The following LYN variants were observed in gnomAD, a reference collection of about 807,000 sequenced individuals.
LYN encodes the protein LYN proto-oncogene, Src family tyrosine kinase, also known as tyrosine-protein kinase Lyn.
In LYN, 12 loss-of-function variants were observed where a neutral mutation model predicts 65.0. The ratio of observed to expected loss-of-function variants is 0.18; its 90% CI spans 0.12 to 0.30. LYN has a LOEUF of 0.30. Among genes scored for constraint, LYN ranks in the 10% least tolerant of loss-of-function variants. LYN has a pLI of 1.00. For missense variants in LYN, 380 were observed against 623.2 expected, an observed-to-expected ratio of 0.61 and a Z score of 4.16; for synonymous variants, 222 against 221.2, an observed-to-expected ratio of 1.00 and a Z score of -0.03.
chr8:55,893,156 T>A (rs995384653), intron 1 of LYN, among the ~76,000 whole-genome samples: 2 of 152,230 alleles, frequency 1.3e-5, no homozygotes, highest in African/African-American at 4.8e-5. Flanking sequence ...CTCGTCCTGT[T>A]TTACCCTGGC....
rs1161944846 is a variant in LYN at position 55,953,808 on chromosome 8, C to T, written c.638-24C>T. On this transcript the variant is annotated intron_variant, in intron 7 of 12. Transcript: ENST00000519728. ...AGTACAAAGTATTGCATTTCTTAAC[C>T]TTCATTTTTCCCTTTCAAATTAGAG... The T allele has an allele frequency of 5.0e-6, 8 of 1,610,720 alleles. No individual in the cohort carries two copies. In the South Asian group the frequency reaches 8.8e-5, roughly 18 times the overall value.
intron 1 of LYN, among the ~76,000 whole-genome samples, chr8:55,880,360 C>A (rs1392140810): frequency 6.6e-6 from 1 of 151,866 alleles, no homozygotes; most frequent in Non-Finnish European, 1.5e-5. Flanking sequence ...GTGTCCGCCG[C>A]GGAGCCGCGC....
At position 56,010,164 on chromosome 8, in the gene LYN, A is replaced by T. The variant is rs1808775965; in HGVS notation, c.*54A>T. 29 of 1,562,426 alleles carry T rather than the reference A, an allele frequency of 1.9e-5. No homozygotes were observed. In the South Asian group the frequency reaches 2.4e-4, roughly 13 times the overall value. ...GGGTGGCTGCCTCATTTAGAGAGGA[A>T]AAGTAACCATCACTGGTTGCACTTA... is the stretch of plus-strand genomic sequence containing the variant. On this transcript the variant is annotated 3_prime_UTR_variant, in exon 13 of 13. Coordinates refer to ENST00000519728, the MANE Select transcript of LYN (RefSeq NM_002350.4).
chr8:55,985,167 G>A (rs1808041756), intron 10 of LYN, among the ~76,000 whole-genome samples: 6 of 152,104 alleles, frequency 3.9e-5, no homozygotes, highest in Admixed American at 3.9e-4. Flanking sequence ...CTGCTGGGGA[G>A]GAACTGTACT....
chr8:55,935,995 T>C (rs754902575), intron 1 of LYN, among the ~76,000 whole-genome samples: 3 of 152,128 alleles, frequency 2.0e-5, no homozygotes, highest in Non-Finnish European at 4.4e-5. Flanking sequence ...ACTTTGTTTC[T>C]CTAATCTGAG....
chr8:55,937,854 C>G (rs1806480907), intron 1 of LYN, among the ~76,000 whole-genome samples: 1 of 152,140 alleles, frequency 6.6e-6, no homozygotes, highest in Non-Finnish European at 1.5e-5. Flanking sequence ...TGCCACCACA[C>G]CCGGCTAATT....
At chr8:55,977,440 G>C (rs1165542371) in intron 10 of LYN, among the ~76,000 whole-genome samples, 1 of 152,072 alleles carries the variant, frequency 6.6e-6, no homozygotes, top group Non-Finnish European at 1.5e-5. Flanking sequence ...AACACACCAG[G>C]GTGTTCTTTA....
At chr8:55,997,887 A>G (rs1485567052) in intron 10 of LYN, among the ~76,000 whole-genome samples, 3 of 152,286 alleles carry the variant, frequency 2.0e-5, no homozygotes, top group Non-Finnish European at 1.5e-5. Flanking sequence ...GATCGAGACC[A>G]TCCTGGCTAA....
At chr8:55,895,193 G>C (rs1000609677) in intron 1 of LYN, among the ~76,000 whole-genome samples, 1 of 152,056 alleles carries the variant, frequency 6.6e-6, no homozygotes, top group African/African-American at 2.4e-5. Flanking sequence ...GCTTGTCTCT[G>C]TTAGCAACTG....
chr8:56,001,855 G>A (rs1808521378), intron 12 of LYN, among the ~76,000 whole-genome samples: 1 of 152,172 alleles, frequency 6.6e-6, no homozygotes, highest in South Asian at 2.1e-4. Context: ...CTGAGGCTTG[G>A]AGAAGGTGAT....
chr8:55,932,940 C>A (rs530963709), intron 1 of LYN, among the ~76,000 whole-genome samples: 79 of 152,134 alleles, frequency 5.2e-4, no homozygotes, highest in Admixed American at 3.7e-3. Flanking sequence ...AAGATAGGAG[C>A]AATAGACACG....
Position 56,013,289 on chromosome 8 carries a change from C to CA in LYN, c.*3180dup, listed in dbSNP as rs1472731724. On this transcript the variant is annotated 3_prime_UTR_variant, in exon 13 of 13. Coordinates refer to ENST00000519728, the MANE Select transcript of LYN (RefSeq NM_002350.4). ...CTCTCTCTTTTTTTTTTTTTTTTGACAGAGTCTCACTCTGTCACGCAGGCT... is the reference window on the plus strand; with the variant it reads ...CTCTCTCTTTTTTTTTTTTTTTTGACAAGAGTCTCACTCTGTCACGCAGGCT... The CA allele has an allele frequency of 1.6e-5, 2 of 124,510 alleles. No homozygotes were observed. The highest frequency in any genetic ancestry group is 2.0e-4 in the East Asian group (1 of 4,910). 7.7% of individuals were successfully genotyped at this position (124,510 alleles called of 1,614,324 possible).
At chr8:55,971,979 G>A (rs1327470817) in intron 10 of LYN, among the ~76,000 whole-genome samples, 1 of 152,106 alleles carries the variant, frequency 6.6e-6, no homozygotes, top group Non-Finnish European at 1.5e-5. Flanking sequence ...TCAACTGATG[G>A]GGCTGAGCCC....
intron 8 of LYN, among the ~76,000 whole-genome samples, chr8:55,965,363 G>T (rs950839796): frequency 1.3e-5 from 2 of 152,200 alleles, no homozygotes; most frequent in Non-Finnish European, 2.9e-5. Flanking sequence ...TGCATCTCCT[G>T]GGTGGGGGAG....
intron 1 of LYN, among the ~76,000 whole-genome samples, chr8:55,905,239 C>T (rs1355495407): frequency 6.6e-6 from 1 of 152,086 alleles, no homozygotes; most frequent in African/African-American, 2.4e-5. Context: ...GGTGAAACCA[C>T]ATCTCTACTA....
intron 12 of LYN, among the ~76,000 whole-genome samples, chr8:56,000,030 G>C (rs991939703): frequency 2.6e-5 from 4 of 152,188 alleles, no homozygotes; most frequent in African/African-American, 7.2e-5. Flanking sequence ...TGTTCTAAGA[G>C]TGCTTAGACA....
rs1190503076 is a variant in LYN at position 55,946,440 on chromosome 8, T to C, written c.133-8T>C. 1.3e-6 allele frequency: 2 copies of C among 1,597,196 alleles called. No homozygotes were observed. The highest frequency in any genetic ancestry group is 1.7e-6 in the Non-Finnish European group (2 of 1,165,636). ...GAATTTTTTTTTCTAACAAATATTC[T>C]CTCGTAGGTTCCAGAATCTCAGCTT... On this transcript the variant is annotated splice_polypyrimidine_tract_variant and splice_region_variant and intron_variant, in intron 2 of 12. Coordinates refer to ENST00000519728, the MANE Select transcript of LYN (RefSeq NM_002350.4).
chr8:55,887,573 T>TAC (rs1173683572), intron 1 of LYN, among the ~76,000 whole-genome samples: 706 of 42,548 alleles, frequency 0.017, 8 homozygotes, highest in Middle Eastern at 0.028. Context: ...TATATATATA[T>TAC]ATACACACAC....
At chr8:55,904,946 G>A (rs1019923490) in intron 1 of LYN, among the ~76,000 whole-genome samples, 1 of 151,992 alleles carries the variant, frequency 6.6e-6, no homozygotes, top group Non-Finnish European at 1.5e-5. Flanking sequence ...TCAATGGGGA[G>A]CATTTAAACC....
Sources: gnomAD v4.1 joint callset for allele counts (sites outside exome capture counted in the v4.1 genomes callset) on GRCh38, gnomAD v4.1.1 for gene constraint, MANE v1.5 for transcripts, NCBI Gene and HGNC (gene_info 2026-07-23, HGNC 2026-07-21) for gene names.